Variants in GPATCH8 observed in about 807,000 individuals in gnomAD.
GPATCH8 encodes G patch domain-containing protein 8.
GPATCH8 carries 18 observed loss-of-function variants against 118.3 expected under a neutral mutation model. The observed-to-expected ratio is 0.15, with a 90% CI of 0.11 to 0.23. The LOEUF (loss-of-function observed/expected upper bound fraction) is 0.23. GPATCH8 is among the 10% of genes least tolerant of loss of function. GPATCH8 has a pLI of 1.00. For synonymous variants in GPATCH8, 659 were observed against 684.7 expected (o/e 0.96, Z 0.59); for missense variants, 1,631 against 1,873.8 (o/e 0.87, Z 2.39).
rs112382903 is a variant in GPATCH8, at chr17:44,461,352, A to AT, written c.193+3119dup. On this transcript the variant is annotated intron_variant, in intron 3 of 7. Coordinates refer to ENST00000591680, the MANE Select transcript of GPATCH8 (RefSeq NM_001002909.4). ...GTGTGCCACCAAGTCCAGCCAATTA[A>AT]TTTTTTTTTTTTGTAGAGATGGGGG... 5.1e-3 allele frequency among the ~76,000 whole-genome samples: 741 copies of AT among 145,228 alleles called. 8 individuals carry two copies. Among genetic ancestry groups the AT allele is most frequent in the African/African-American group, 0.015 (587 of 39,816 alleles).
rs764576709 is a variant in GPATCH8, at chr17:44,395,550, CA to C, written c.*2017del. The stretch of plus-strand genomic sequence containing the variant: ...ATTATTTATTTACATGGGCTGAAAG[CA>C]AAGAAAAATGAGTCCCTTCACTTAC... On this transcript the variant is annotated 3_prime_UTR_variant, in exon 8 of 8. Coordinates refer to ENST00000591680, the MANE Select transcript of GPATCH8 (RefSeq NM_001002909.4). 1.3e-4 allele frequency: 58 copies of C among 454,226 alleles called. 1 individual carries two copies. Among genetic ancestry groups the C allele is most frequent in the Non-Finnish European group, 1.3e-5 (3 of 226,766 alleles). The allele number at this position is 454,226 out of a possible 1,614,324, so 28.1% of individuals were successfully genotyped here.
intron 5 of GPATCH8, among the ~76,000 whole-genome samples, chr17:44,425,858 T>C (rs964684553): frequency 7.9e-5 from 12 of 152,152 alleles, no homozygotes; most frequent in African/African-American, 2.4e-4. Context: ...CTAGAGTTCC[T>C]GGTATGAATA....
At chr17:44,479,745 G>A (rs774864760) in intron 1 of GPATCH8, among the ~76,000 whole-genome samples, 1 of 151,956 alleles carries the variant, frequency 6.6e-6, no homozygotes, top group Non-Finnish European at 1.5e-5. Context: ...GAGGCGGGTA[G>A]ATCACAGGGT....
intron 1 of GPATCH8, among the ~76,000 whole-genome samples, chr17:44,476,151 A>G (rs1967757362): frequency 6.6e-6 from 1 of 152,202 alleles, no homozygotes; most frequent in Non-Finnish European, 1.5e-5. Flanking sequence ...CAACTCTTTT[A>G]GACTGACTAC....
intron 1 of GPATCH8, among the ~76,000 whole-genome samples, chr17:44,485,366 G>A (rs558878986): frequency 3.9e-5 from 6 of 152,158 alleles, no homozygotes; most frequent in Middle Eastern, 3.4e-3. Flanking sequence ...CCCCTGCTTC[G>A]GCCTCCAAAA....
intron 1 of GPATCH8, among the ~76,000 whole-genome samples, chr17:44,488,719 T>C (rs995394964): frequency 6.6e-6 from 1 of 152,010 alleles, no homozygotes; most frequent in Non-Finnish European, 1.5e-5. Context: ...GTAGGGAATA[T>C]AGTGAGTGGT....
rs555330342 is a variant in GPATCH8 at position 44,411,973 on chromosome 17, A to G, written c.493-5922T>C. Among the ~76,000 whole-genome samples the G allele has an allele frequency of 2.2e-3, 334 of 152,278 alleles. 2 individuals carry two copies. The highest frequency in any genetic ancestry group is 7.6e-3 in the African/African-American group (315 of 41,560). ...GTTTCACTCTTGTTGCCCAGGCTGG[A>G]GTACAATGGCGCAATCTCAGCTCAC... is the stretch of plus-strand genomic sequence containing the variant. On this transcript the variant is annotated intron_variant, in intron 6 of 7. Coordinates refer to ENST00000591680, the MANE Select transcript of GPATCH8 (RefSeq NM_001002909.4).
chr17:44,497,381 G>C (rs972785170), intron 1 of GPATCH8, among the ~76,000 whole-genome samples: 1 of 151,974 alleles, frequency 6.6e-6, no homozygotes, highest in Non-Finnish European at 1.5e-5. Context: ...CTTGAGCTCA[G>C]GAGTTTGAGA....
chr17:44,444,783 A>T (rs1251382521), intron 3 of GPATCH8, among the ~76,000 whole-genome samples: 1 of 140,226 alleles, frequency 7.1e-6, no homozygotes, highest in Non-Finnish European at 1.5e-5. Flanking sequence ...TCACGGGGGG[A>T]AAAAAAGTGG....
chr17:44,428,778 T>G (rs184938828), intron 5 of GPATCH8, among the ~76,000 whole-genome samples: 1 of 151,848 alleles, frequency 6.6e-6, no homozygotes, highest in East Asian at 2.0e-4. Context: ...CACTTCTAGG[T>G]GACAGAGTGA....
At chr17:44,440,933 C>G (rs961668378) in intron 3 of GPATCH8, among the ~76,000 whole-genome samples, 1 of 152,184 alleles carries the variant, frequency 6.6e-6, no homozygotes, top group Non-Finnish European at 1.5e-5. Context: ...TCACTGCAAC[C>G]TCCGCCTCCC....
intron 6 of GPATCH8, among the ~76,000 whole-genome samples, chr17:44,424,057 C>T (rs545381033): frequency 6.6e-6 from 1 of 152,084 alleles, no homozygotes; most frequent in Non-Finnish European, 1.5e-5. Context: ...TGACCCTCAG[C>T]TGAATTACAA....
intron 1 of GPATCH8, among the ~76,000 whole-genome samples, chr17:44,485,770 T>C (rs1968729065): frequency 1.3e-5 from 2 of 152,238 alleles, no homozygotes; most frequent in Admixed American, 1.3e-4. Context: ...ACCTTCGTTA[T>C]GGTACTTGTA....
intron 3 of GPATCH8, chr17:44,436,893 A>G (rs1046784585): frequency 7.1e-6 from 2 of 281,262 alleles, no homozygotes; most frequent in Non-Finnish European, 1.4e-5. Flanking sequence ...CCCATCAAGT[A>G]TCACTTTACT....
At chr17:44,424,858 AAGCATTACCTGAGTCTGT>A (rs2050034736) in intron 5 of GPATCH8, among the ~76,000 whole-genome samples, 1 of 152,242 alleles carries the variant, frequency 6.6e-6, no homozygotes, top group African/African-American at 2.4e-5. Context: ...CGAAGGAAAA[AAGCATTACCTGAGTCTGT>A]AGCCAATGAT....
At chr17:44,448,084 C>T (rs983525740) in intron 3 of GPATCH8, among the ~76,000 whole-genome samples, 2 of 152,066 alleles carry the variant, frequency 1.3e-5, no homozygotes, top group Non-Finnish European at 2.9e-5. Context: ...GCTGGGATTA[C>T]AGGAGCCCAC....
At chr17:44,477,968 C>T (rs1286298633) in intron 1 of GPATCH8, among the ~76,000 whole-genome samples, 1 of 147,292 alleles carries the variant, frequency 6.8e-6, no homozygotes, top group Non-Finnish European at 1.5e-5. Flanking sequence ...CGCCACCACA[C>T]CTGGCTAATT....
intron 5 of GPATCH8, among the ~76,000 whole-genome samples, chr17:44,426,835 A>AACAC (rs71361570): frequency 9.8e-4 from 146 of 148,774 alleles, no homozygotes; most frequent in African/African-American, 3.4e-3. Context: ...TCTCTTCAAC[A>AACAC]ACACACACAC....
chr17:44,449,409 G>A (rs1202063826), intron 3 of GPATCH8, among the ~76,000 whole-genome samples: 1 of 151,842 alleles, frequency 6.6e-6, no homozygotes, highest in East Asian at 1.9e-4. Flanking sequence ...TTGCTATGTG[G>A]CCCAGGCTGG....
Sources: allele counts gnomAD v4.1 joint callset (sites outside exome capture counted in the v4.1 genomes callset), GRCh38; gene constraint gnomAD v4.1.1; transcripts MANE v1.5; gene names NCBI Gene and HGNC (gene_info 2026-07-23, HGNC 2026-07-21).